The following FHIT variants were observed in gnomAD, a reference collection of about 807,000 sequenced individuals.
FHIT encodes fragile histidine triad diadenosine triphosphatase, also known as bis(5'-adenosyl)-triphosphatase.
Under a neutral mutation model 17.9 loss-of-function variants are expected in FHIT, and 19 were observed. That is an observed-to-expected ratio of 1.06 (90% CI 0.74 to 1.56). The LOEUF (loss-of-function observed/expected upper bound fraction) is 1.56, where lower values mean the gene tolerates loss of function less well. Among genes scored for constraint, FHIT ranks in the 40% most tolerant of loss-of-function variants. The probability of loss-of-function intolerance (pLI) is 0.00; values close to 1 mark genes in which losing one functional copy is unlikely to be tolerated. For synonymous variants in FHIT, 81 were observed against 69.7 expected, an observed-to-expected ratio of 1.16 and a Z score of -0.81; for missense variants, 248 against 189.2, an observed-to-expected ratio of 1.31 and a Z score of -1.82.
At chr3:60,464,007 A>G (rs2032638366) in intron 5 of FHIT, among the ~76,000 whole-genome samples, 1 of 152,216 alleles carries the variant, frequency 6.6e-6, no homozygotes, top group African/African-American at 2.4e-5. Context: ...AAGAACATGT[A>G]ATTTGCCCTT....
chr3:60,318,177 T>C (rs1709254794), intron 5 of FHIT, among the ~76,000 whole-genome samples: 1 of 152,190 alleles, frequency 6.6e-6, no homozygotes. Flanking sequence ...ATGTAGGGCT[T>C]TTCTGGACAT....
At chr3:60,681,489 G>A (rs185407463) in intron 4 of FHIT, among the ~76,000 whole-genome samples, 1 of 152,258 alleles carries the variant, frequency 6.6e-6, no homozygotes, top group Non-Finnish European at 1.5e-5. Context: ...TCTCCCTGTA[G>A]ATCAAAAATT....
intron 5 of FHIT, among the ~76,000 whole-genome samples, chr3:60,283,339 G>A (rs543533560): frequency 5.3e-5 from 8 of 151,830 alleles, no homozygotes; most frequent in Non-Finnish European, 1.2e-4. Flanking sequence ...TATTATATGT[G>A]ACAAAATCAT....
At chr3:59,885,459 A>T (rs1164248734) in intron 8 of FHIT, among the ~76,000 whole-genome samples, 9 of 129,750 alleles carry the variant, frequency 6.9e-5, no homozygotes, top group Admixed American at 4.3e-4. Flanking sequence ...TTTTTTTTTT[A>T]ACGATTGATG....
intron 4 of FHIT, among the ~76,000 whole-genome samples, chr3:60,707,289 C>G (rs1476113369): frequency 1.3e-5 from 2 of 152,274 alleles, no homozygotes; most frequent in Non-Finnish European, 2.9e-5. Flanking sequence ...ATTCTATGAT[C>G]TACTATAACT....
intron 8 of FHIT, among the ~76,000 whole-genome samples, chr3:59,884,455 G>A (rs1363026077): frequency 2.0e-5 from 3 of 152,048 alleles, no homozygotes; most frequent in African/African-American, 4.8e-5. Flanking sequence ...ACTTTATTGT[G>A]TATCTCAGCA....
intron 5 of FHIT, among the ~76,000 whole-genome samples, chr3:60,317,095 G>A (rs913215821): frequency 2.0e-5 from 3 of 152,120 alleles, no homozygotes; most frequent in Admixed American, 1.3e-4. Context: ...CCAGAAGGGT[G>A]TCATTTTAAG....
At chr3:60,801,004 G>A (rs1290011795) in intron 4 of FHIT, among the ~76,000 whole-genome samples, 1 of 152,152 alleles carries the variant, frequency 6.6e-6, no homozygotes, top group Non-Finnish European at 1.5e-5. Flanking sequence ...GGTGGTCTTG[G>A]TAGGGGACCA....
In FHIT at chr3:60,123,967, AATATATATATATATATATATATATATAT is replaced by A. The variant is rs1176212050; in HGVS notation, c.104-109843_104-109816del. 1.0e-3 allele frequency among the ~76,000 whole-genome samples: 28 copies of A among 27,788 alleles called. 1 individual carries two copies. Among genetic ancestry groups the A allele is most frequent in the Non-Finnish European group, 1.5e-3 (24 of 15,976 alleles). 18.2% of individuals were successfully genotyped at this position (27,788 alleles called of 152,430 possible). A position where few individuals can be genotyped will look rare whatever the true frequency, so the allele number is the denominator to read the frequency against. ...CTTCCATTAACAGAAATGCACTAAA[AATATATATATATATATATATATATATAT>A]ATATATATATATATAGAGAGAGAGA... On this transcript the variant is annotated intron_variant, in intron 5 of 9. Coordinates refer to ENST00000492590, the MANE Select transcript of FHIT (RefSeq NM_002012.4).
chr3:60,500,985 T>C (rs1489467242), intron 5 of FHIT, among the ~76,000 whole-genome samples: 1 of 152,058 alleles, frequency 6.6e-6, no homozygotes, highest in Non-Finnish European at 1.5e-5. Context: ...GTTTTCACAA[T>C]AAAAGTAATG....
intron 1 of FHIT, among the ~76,000 whole-genome samples, chr3:61,236,623 A>G (rs1203591077): frequency 6.6e-6 from 1 of 152,220 alleles, no homozygotes; most frequent in Non-Finnish European, 1.5e-5. Context: ...AGATGTGGAA[A>G]GGGAGGCCCA....
chr3:60,586,039 C>T (rs2682963), intron 4 of FHIT, among the ~76,000 whole-genome samples: 134,289 of 151,874 alleles, frequency 0.88, 59,654 homozygotes, highest in African/African-American at 0.97. Context: ...TAGTATCCCA[C>T]GAAGCACACT....
chr3:60,295,459 A>G (rs1254302234), intron 5 of FHIT, among the ~76,000 whole-genome samples: 3 of 152,070 alleles, frequency 2.0e-5, no homozygotes, highest in African/African-American at 7.2e-5. Context: ...CGAGACAGGA[A>G]GCAAGAGAGA....
At chr3:61,194,813 A>G (rs926338911) in intron 2 of FHIT, among the ~76,000 whole-genome samples, 2 of 152,226 alleles carry the variant, frequency 1.3e-5, no homozygotes, top group African/African-American at 4.8e-5. Context: ...TCAGAGGGTG[A>G]TGGGAAGCTC....
At chr3:59,941,787 G>A (rs945143639) in intron 7 of FHIT, among the ~76,000 whole-genome samples, 3 of 152,094 alleles carry the variant, frequency 2.0e-5, no homozygotes, top group South Asian at 4.1e-4. Context: ...GAGGGCAAAC[G>A]CTCCCTGCTC....
intron 3 of FHIT, among the ~76,000 whole-genome samples, chr3:60,861,326 A>G (rs1196656877): frequency 7.4e-6 from 1 of 134,394 alleles, no homozygotes; most frequent in African/African-American, 3.1e-5. Context: ...AGCTCATTAC[A>G]GCAGTTAGCC....
chr3:60,878,261 G>GTTC (rs1704764756), intron 3 of FHIT, among the ~76,000 whole-genome samples: 1 of 151,876 alleles, frequency 6.6e-6, no homozygotes, highest in African/African-American at 2.4e-5. Flanking sequence ...TGTACCCCAG[G>GTTC]ACCCAAGAGC....
At chr3:60,401,627 C>T (rs1345090300) in intron 5 of FHIT, among the ~76,000 whole-genome samples, 1 of 152,110 alleles carries the variant, frequency 6.6e-6, no homozygotes, top group East Asian at 1.9e-4. Flanking sequence ...GCTTCCCCAC[C>T]CCATGTAGTT....
intron 5 of FHIT, among the ~76,000 whole-genome samples, chr3:60,056,435 T>C (rs1333879925): frequency 2.6e-5 from 4 of 152,384 alleles, no homozygotes; most frequent in South Asian, 4.1e-4. Flanking sequence ...CCCGATTCTA[T>C]TGTTTGCAGT....
Sources: allele counts gnomAD v4.1 joint callset (sites outside exome capture counted in the v4.1 genomes callset), GRCh38; gene constraint gnomAD v4.1.1; transcripts MANE v1.5; gene names NCBI Gene and HGNC (gene_info 2026-07-23, HGNC 2026-07-21).